The following PPARGC1A variants were observed in gnomAD, a reference collection of about 807,000 sequenced individuals.
PPARGC1A encodes the protein PPARG coactivator 1 alpha.
In PPARGC1A, 25 loss-of-function variants were observed where a neutral mutation model predicts 88.7. That is an observed-to-expected ratio of 0.28 (90% CI 0.21 to 0.39). The LOEUF (loss-of-function observed/expected upper bound fraction) is 0.39, where lower values mean the gene tolerates loss of function less well. PPARGC1A is among the 10% of genes least tolerant of loss of function. The pLI, the probability that PPARGC1A is intolerant of heterozygous loss-of-function variation, is 1.00. For synonymous variants in PPARGC1A, 363 were observed against 355.6 expected (o/e 1.02, Z -0.24); for missense variants, 880 against 968.7 (o/e 0.91, Z 1.22).
At chr4:24,012,178 T>G in the PPARGC1A span, among the ~76,000 whole-genome samples, 1 of 152,136 alleles carries the variant, frequency 6.6e-6, no homozygotes, top group East Asian at 1.9e-4. Flanking sequence ...ATATTTTTCG[T>G]GAAGTGTCTA....
At chr4:23,867,639 G>T (rs1712310257) in intron 2 of PPARGC1A, among the ~76,000 whole-genome samples, 1 of 152,148 alleles carries the variant, frequency 6.6e-6, no homozygotes. Context: ...TTTGCATCCT[G>T]GTTCCAATGA....
chr4:24,388,059 A>C, the PPARGC1A span, among the ~76,000 whole-genome samples: 1 of 151,982 alleles, frequency 6.6e-6, no homozygotes, highest in Non-Finnish European at 1.5e-5. Context: ...GGCAAATTAC[A>C]GAATGGAAGA....
chr4:24,178,603 A>G, the PPARGC1A span, among the ~76,000 whole-genome samples: 1 of 152,194 alleles, frequency 6.6e-6, no homozygotes, highest in Non-Finnish European at 1.5e-5. Flanking sequence ...ATTGAAAGAG[A>G]CTGTCCGTTT....
At chr4:23,800,949 A>T (rs1463365580) in intron 12 of PPARGC1A, among the ~76,000 whole-genome samples, 1 of 151,216 alleles carries the variant, frequency 6.6e-6, no homozygotes, top group Non-Finnish European at 1.5e-5. Flanking sequence ...GCACTCAACA[A>T]ATAACAGGTG....
the PPARGC1A span, among the ~76,000 whole-genome samples, chr4:24,204,084 T>C: frequency 1.3e-5 from 2 of 152,182 alleles, no homozygotes; most frequent in South Asian, 4.1e-4. Flanking sequence ...AGGGTAAGTA[T>C]AGTATCAGTT....
At chr4:24,247,459 G>T in the PPARGC1A span, among the ~76,000 whole-genome samples, 1 of 151,894 alleles carries the variant, frequency 6.6e-6, no homozygotes, top group South Asian at 2.1e-4. Context: ...TATCCCTTTG[G>T]TTTTCTATTC....
chr4:23,878,494 A>T (rs1284560729), intron 2 of PPARGC1A, among the ~76,000 whole-genome samples: 1 of 152,138 alleles, frequency 6.6e-6, no homozygotes, highest in Non-Finnish European at 1.5e-5. Context: ...AGGGGTTGAT[A>T]CCAAGAGACA....
the PPARGC1A span, among the ~76,000 whole-genome samples, chr4:24,119,309 T>TC: frequency 6.6e-6 from 1 of 152,194 alleles, no homozygotes; most frequent in East Asian, 1.9e-4. Context: ...CTCAATGCTA[T>TC]CCTGTCACCA....
the PPARGC1A span, among the ~76,000 whole-genome samples, chr4:23,961,009 T>A: frequency 6.6e-6 from 1 of 152,166 alleles, no homozygotes; most frequent in Non-Finnish European, 1.5e-5. Context: ...TAAGTCTACA[T>A]GTTGGTAAAA....
At chr4:24,427,362 C>T in the PPARGC1A span, among the ~76,000 whole-genome samples, 3 of 151,154 alleles carry the variant, frequency 2.0e-5, no homozygotes, top group African/African-American at 7.3e-5. Context: ...CTCACTGCAA[C>T]CTCCACCTCC....
chr4:23,998,754 G>A, the PPARGC1A span, among the ~76,000 whole-genome samples: 24 of 152,304 alleles, frequency 1.6e-4, no homozygotes, highest in Middle Eastern at 3.4e-3. Flanking sequence ...GGGAGAACAA[G>A]AGGTTGCTTC....
chr4:24,102,061 C>G, the PPARGC1A span, among the ~76,000 whole-genome samples: 1 of 152,164 alleles, frequency 6.6e-6, no homozygotes, highest in Non-Finnish European at 1.5e-5. Flanking sequence ...CCCCAGGGAT[C>G]CATCCAATCC....
the PPARGC1A span, among the ~76,000 whole-genome samples, chr4:24,022,012 G>C: frequency 6.6e-6 from 1 of 152,202 alleles, no homozygotes; most frequent in Admixed American, 6.5e-5. Flanking sequence ...TAAGAACTGA[G>C]ACAGGAGAGG....
chr4:23,939,032 C>T, the PPARGC1A span, among the ~76,000 whole-genome samples: 1 of 152,110 alleles, frequency 6.6e-6, no homozygotes, highest in Non-Finnish European at 1.5e-5. Context: ...TGATGACTGC[C>T]CAGCCTGGGC....
chr4:24,138,877 G>A, the PPARGC1A span, among the ~76,000 whole-genome samples: 3 of 152,136 alleles, frequency 2.0e-5, no homozygotes, highest in Non-Finnish European at 2.9e-5. Context: ...TTAAACTAGA[G>A]TATTGATTTT....
At chr4:24,009,150 A>AAAAAAAAAAAAAAAAGAGAG in the PPARGC1A span, among the ~76,000 whole-genome samples, 4 of 79,806 alleles carry the variant, frequency 5.0e-5, no homozygotes, top group African/African-American at 1.2e-4. Context: ...AAAAAAAAAA[A>AAAAAAAAAAAAAAAAGAGAG]AGAGAGAGAA....
At chr4:24,289,740 T>C in the PPARGC1A span, among the ~76,000 whole-genome samples, 1 of 152,214 alleles carries the variant, frequency 6.6e-6, no homozygotes, top group Non-Finnish European at 1.5e-5. Flanking sequence ...TCTCATTTCT[T>C]ATTCTGCTAA....
chr4:24,370,749 CTTTTTTTTTTTTTT>C, the PPARGC1A span, among the ~76,000 whole-genome samples: 592 of 62,936 alleles, frequency 9.4e-3, 5 homozygotes, highest in Admixed American at 0.013. Context: ...CTGTCTCTCT[CTTTTTTTTTTTTTT>C]TTTTTTTTTT....
At chr4:24,424,307 G>C in the PPARGC1A span, among the ~76,000 whole-genome samples, 1 of 107,942 alleles carries the variant, frequency 9.3e-6, no homozygotes, top group South Asian at 3.1e-4. Flanking sequence ...ACAGAGTCTC[G>C]CTCTGTCGCC....
Sources: allele counts gnomAD v4.1 joint callset (sites outside exome capture counted in the v4.1 genomes callset), GRCh38; gene constraint gnomAD v4.1.1; transcripts MANE v1.5; gene names NCBI Gene and HGNC (gene_info 2026-07-23, HGNC 2026-07-21).